ALDH1A3: variants seen among roughly 807,000 people sequenced by gnomAD.
ALDH1A3 encodes retinaldehyde dehydrogenase 3.
ALDH1A3 carries 28 observed loss-of-function variants against 57.5 expected under a neutral mutation model. That is an observed-to-expected ratio of 0.49 (90% CI 0.36 to 0.67). ALDH1A3 has a LOEUF of 0.67. Ranked by LOEUF, ALDH1A3 falls within the 30% of genes least tolerant of loss-of-function variation. ALDH1A3 has a pLI of 0.00. For synonymous variants in ALDH1A3, 281 were observed against 264.8 expected, an observed-to-expected ratio of 1.06 and a Z score of -0.59; for missense variants, 507 against 669.4, an observed-to-expected ratio of 0.76 and a Z score of 2.68.
chr15:100,911,936 A>G (rs1210162196), intron 12 of ALDH1A3, among the ~76,000 whole-genome samples: 1 of 152,230 alleles, frequency 6.6e-6, no homozygotes, highest in African/African-American at 2.4e-5. Flanking sequence ...AATTTTTACA[A>G]TGCAACATTG....
chr15:100,907,195 C>T lies in ALDH1A3; in HGVS notation c.1308C>T (p.Asp436=). Residue 436 remains aspartate, a synonymous_variant, in exon 11 of 13, where the codon GAC becomes GAT. Coordinates refer to ENST00000329841, the MANE Select transcript of ALDH1A3 (RefSeq NM_000693.4). ...TGATAAAAAGAGCGAATAGCACCGACTATGGACTCACAGCAGCCGTGTTCA... is the reference window on the plus strand; with the variant it reads ...TGATAAAAAGAGCGAATAGCACCGATTATGGACTCACAGCAGCCGTGTTCA... ...EEVIKRANST[D]YGLTAAVFTK... 1 of 1,614,176 alleles carries T rather than the reference C, an allele frequency of 6.2e-7. No homozygotes were observed. The highest frequency in any genetic ancestry group is 8.5e-7 in the Non-Finnish European group (1 of 1,180,018).
At position 100,887,659 on chromosome 15, in the gene ALDH1A3, C is replaced by A; in HGVS notation, c.292C>A (p.Arg98=). The change falls in exon 3 of 13, where the codon CGG becomes AGG. Residue 98 remains arginine, a synonymous_variant. Transcript: ENST00000329841. The surrounding 1 kb of genome is among the most constrained non-coding windows in gnomAD (Gnocchi z 4.6). Reference sequence around the variant, plus strand: ...CCGGCTGGATGCCCTGAGTCGTGGGCGGCTGCTGCACCAGCTGGCTGACCT... The same window carrying A: ...CCGGCTGGATGCCCTGAGTCGTGGGAGGCTGCTGCACCAGCTGGCTGACCT... The part of the protein sequence containing the change: ...WRRLDALSRG[R]LLHQLADLVE... 1 of 1,610,874 alleles carries A rather than the reference C, an allele frequency of 6.2e-7. No individual in the cohort carries two copies.
At chr15:100,907,844 C>CTTTTTTTTTTTTTTTTTTTTTTTTTT (rs71151987) in intron 11 of ALDH1A3, among the ~76,000 whole-genome samples, 1 of 81,908 alleles carries the variant, frequency 1.2e-5, no homozygotes, top group Non-Finnish European at 2.1e-5. Flanking sequence ...TTCTTTCTTT[C>CTTTTTTTTTTTTTTTTTTTTTTTTTT]TTTTTTTTTT....
intron 1 of ALDH1A3, 87 bp from the exon 2 acceptor site, chr15:100,885,180 G>T: frequency 1.1e-6 from 1 of 922,404 alleles, no homozygotes; most frequent in Non-Finnish European, 1.8e-6. Flanking sequence ...GGACAAGATG[G>T]ATAAGACGTC....
chr15:100,880,752 A>C (rs1244340963), intron 1 of ALDH1A3: 1 of 152,410 alleles, frequency 6.6e-6, no homozygotes, highest in South Asian at 2.1e-4. Flanking sequence ...CTGGGAGGCT[A>C]CAGCGTTGGC....
At chr15:100,903,812 C>T (rs1225011895) in intron 9 of ALDH1A3, among the ~76,000 whole-genome samples, 2 of 152,188 alleles carry the variant, frequency 1.3e-5, no homozygotes, top group African/African-American at 4.8e-5. Flanking sequence ...CCTTTATTAT[C>T]AAATGTGCTT....
intron 6 of ALDH1A3, 137 bp from the exon 7 acceptor site, chr15:100,895,796 T>C (rs2041696456): frequency 5.5e-6 from 4 of 727,526 alleles, no homozygotes; most frequent in Non-Finnish European, 9.5e-6. Context: ...GTCAACTGCT[T>C]CTGGGTCCTG....
At chr15:100,899,983 C>T (rs1309034455) in intron 8 of ALDH1A3, among the ~76,000 whole-genome samples, 2 of 152,208 alleles carry the variant, frequency 1.3e-5, no homozygotes, top group Non-Finnish European at 2.9e-5. Context: ...TAAATGACAT[C>T]CCAATACCAT....
chr15:100,892,765 A>G lies in ALDH1A3; in HGVS notation c.475+126A>G, dbSNP rs4646666. The G allele has an allele frequency of 2.1e-6, 3 of 1,395,520 alleles. No individual in the cohort carries two copies. In the East Asian group the frequency reaches 6.9e-5, roughly 32 times the overall value. The allele number at this position is 1,395,520 out of a possible 1,614,324, so 86.4% of individuals were successfully genotyped here. ...CAACCCCACTCCCTCTCCAAATGGT[A>G]CTGCCAATTCTTCTTCTAAGAACTT... On this transcript the variant is annotated intron_variant, in intron 4 of 12. Coordinates refer to ENST00000329841, the MANE Select transcript of ALDH1A3 (RefSeq NM_000693.4).
chr15:100,880,157 A>C, intron 1 of ALDH1A3, 151 bp downstream of exon 1: 1 of 451,172 alleles, frequency 2.2e-6, no homozygotes, highest in Non-Finnish European at 3.6e-6. Context: ...CTCTCCAGAA[A>C]CCGCACCTTT....
At chr15:100,905,264 G>T (rs958260097) in intron 9 of ALDH1A3, among the ~76,000 whole-genome samples, 1 of 152,202 alleles carries the variant, frequency 6.6e-6, no homozygotes, top group African/African-American at 2.4e-5. Context: ...CATGGAAAAG[G>T]GAGATAGAAG....
intron 1 of ALDH1A3, among the ~76,000 whole-genome samples, chr15:100,882,287 G>C (rs1385805714): frequency 1.3e-5 from 2 of 152,116 alleles, no homozygotes; most frequent in African/African-American, 4.8e-5. Flanking sequence ...CATTCTCTAG[G>C]GTCATGCTGT....
intron 11 of ALDH1A3, among the ~76,000 whole-genome samples, chr15:100,908,108 C>T (rs1215216601): frequency 1.3e-5 from 2 of 152,078 alleles, no homozygotes; most frequent in South Asian, 2.1e-4. Context: ...CTCAGCCTCC[C>T]GAAGTGCTGG....
Position 100,895,947 on chromosome 15 carries a change from A to G in ALDH1A3, c.681A>G (p.Pro227=). Reference sequence around the variant, plus strand: ...TTTCTTCCCAGGCCGGGTTCCCTCCAGGAGTGGTGAACATTGTGCCAGGAT... The same window carrying G: ...TTTCTTCCCAGGCCGGGTTCCCTCCGGGAGTGGTGAACATTGTGCCAGGAT... The part of the protein sequence containing the change: ...GSLIKEAGFP[P]GVVNIVPGFG... Residue 227 remains proline (P), a synonymous_variant, in exon 7 of 13, where the codon CCA becomes CCG. Coordinates refer to ENST00000329841, the MANE Select transcript of ALDH1A3 (RefSeq NM_000693.4). 6.2e-7 allele frequency: 1 copy of G among 1,613,202 alleles called. No individual in the cohort carries two copies. Among genetic ancestry groups the G allele is most frequent in the Middle Eastern group, 1.7e-4 (1 of 6,058 alleles).
intron 8 of ALDH1A3, among the ~76,000 whole-genome samples, chr15:100,898,679 G>T (rs1416261524): frequency 6.6e-6 from 1 of 152,240 alleles, no homozygotes; most frequent in Admixed American, 6.5e-5. Flanking sequence ...TCAGAGGAGG[G>T]CAGTAGCAAC....
At position 100,887,738 on chromosome 15, in the gene ALDH1A3, TG is replaced by T; in HGVS notation, c.345+31del. On this transcript the variant is annotated intron_variant, in intron 3 of 12. Coordinates refer to ENST00000329841, the MANE Select transcript of ALDH1A3 (RefSeq NM_000693.4). This position sits in a 1 kb window ranked among gnomAD's most constrained non-coding sequence, Gnocchi z 4.6. ...GTGAGTACATGCACTTGGGGGCCGG[TG>T]GGGGATGAGCCAGCCTCACTGAGGG... 1 of 1,560,392 alleles carries T rather than the reference TG, an allele frequency of 6.4e-7. No homozygotes were observed. The highest frequency in any genetic ancestry group is 8.7e-7 in the Non-Finnish European group (1 of 1,149,132).
rs552860868 is a variant in ALDH1A3, at chr15:100,906,056, C to T, written c.1233+369C>T. 1.3e-5 allele frequency among the ~76,000 whole-genome samples: 2 copies of T among 152,284 alleles called. No homozygotes were observed. Among genetic ancestry groups the T allele is most frequent in the South Asian group, 2.1e-4 (1 of 4,824 alleles). On this transcript the variant is annotated intron_variant, in intron 10 of 12. Coordinates refer to ENST00000329841, the MANE Select transcript of ALDH1A3 (RefSeq NM_000693.4). The surrounding 1 kb of genome is among the most constrained non-coding windows in gnomAD (Gnocchi z 4.8). ...AACTGTTGCCACCTGTGGGTTTTGC[C>T]AGGAATCAGTTCAAGAACCTGTGGA...
chr15:100,907,006 G>T, intron 10 of ALDH1A3, 115 bp from the exon 11 acceptor site: 1 of 1,168,058 alleles, frequency 8.6e-7, no homozygotes, highest in South Asian at 1.8e-5. Context: ...TCGTTTTTCA[G>T]GCATGTGTGT....
chr15:100,892,595 T>A lies in ALDH1A3; in HGVS notation c.431T>A (p.Phe144Tyr), dbSNP rs200486213. The change falls in exon 4 of 13, where the codon TTT (phenylalanine) becomes TAT (tyrosine). Residue 144 changes from phenylalanine (F) to tyrosine (Y), a missense_variant. This residue lies in a region of ALDH1A3 where 432 missense variants were observed against 608.4 expected (regional missense o/e 0.71). Coordinates refer to ENST00000329841, the MANE Select transcript of ALDH1A3 (RefSeq NM_000693.4). Reference sequence around the variant, plus strand: ...GGCTGTATTAGAACCCTCAGATACTTTGCAGGGTGGGCAGACAAAATCCAG... The same window carrying A: ...GGCTGTATTAGAACCCTCAGATACTATGCAGGGTGGGCAGACAAAATCCAG... ...LEGCIRTLRY[F>Y]AGWADKIQGK... The A allele has an allele frequency of 7.3e-5, 117 of 1,613,084 alleles. No homozygotes were observed. In the East Asian group the frequency reaches 2.5e-3, roughly 35 times the overall value.
Sources: gnomAD v4.1 joint callset for allele counts (sites outside exome capture counted in the v4.1 genomes callset) on GRCh38, gnomAD v4.1.1 for gene constraint, gnomAD v4.1.1 regional missense constraint, Gnocchi (gnomAD v3.1) non-coding constraint, MANE v1.5 for transcripts, NCBI Gene and HGNC (gene_info 2026-07-23, HGNC 2026-07-21) for gene names.